The following CPVL variants were observed in gnomAD, a reference collection of about 807,000 sequenced individuals.
CPVL encodes probable serine carboxypeptidase CPVL.
Under a neutral mutation model 63.7 loss-of-function variants are expected in CPVL, and 51 were observed. The observed-to-expected ratio is 0.80, with a 90% CI of 0.64 to 1.01. The LOEUF (loss-of-function observed/expected upper bound fraction) is 1.01, where lower values mean the gene tolerates loss of function less well. CPVL is among the 50% of genes least tolerant of loss of function. The pLI, the probability that CPVL is intolerant of heterozygous loss-of-function variation, is 0.00. For synonymous variants in CPVL, 195 were observed against 206.0 expected (o/e 0.95, Z 0.46); for missense variants, 530 against 573.1 (o/e 0.92, Z 0.77).
At chr7:29,038,162 T>C (rs2128160954) in intron 11 of CPVL, among the ~76,000 whole-genome samples, 1 of 152,280 alleles carries the variant, frequency 6.6e-6, no homozygotes, top group East Asian at 1.9e-4. Context: ...TAGATGCCAG[T>C]GTTATGGACC....
chr7:29,018,877 G>T (rs1458191116), intron 12 of CPVL, among the ~76,000 whole-genome samples: 2 of 152,168 alleles, frequency 1.3e-5, no homozygotes, highest in Non-Finnish European at 2.9e-5. Flanking sequence ...CAGACAAGGA[G>T]AAAGAGGACT....
chr7:29,123,096 C>G (rs1789540844), intron 1 of CPVL, among the ~76,000 whole-genome samples: 1 of 152,108 alleles, frequency 6.6e-6, no homozygotes, highest in Non-Finnish European at 1.5e-5. Flanking sequence ...AAATATAATG[C>G]CTGCTTTTGT....
intron 1 of CPVL, among the ~76,000 whole-genome samples, chr7:29,143,592 C>G (rs1422568455): frequency 2.6e-5 from 4 of 152,064 alleles, no homozygotes; most frequent in Non-Finnish European, 4.4e-5. Flanking sequence ...TAATGGGATA[C>G]AGAGTCCCAA....
intron 11 of CPVL, among the ~76,000 whole-genome samples, chr7:29,044,901 C>A (rs1275841748): frequency 6.6e-6 from 1 of 152,168 alleles, no homozygotes; most frequent in Admixed American, 6.5e-5. Context: ...TCTCACCATG[C>A]CATGTTTAAG....
chr7:29,155,136 G>C (rs569772545), intron 5 of CPVL, among the ~76,000 whole-genome samples: 1 of 152,100 alleles, frequency 6.6e-6, no homozygotes, highest in Admixed American at 6.5e-5. Context: ...CCCACAACAC[G>C]TGGGAATTCA....
At chr7:29,088,711 C>T (rs1785457306) in intron 6 of CPVL, among the ~76,000 whole-genome samples, 1 of 152,068 alleles carries the variant, frequency 6.6e-6, no homozygotes, top group South Asian at 2.1e-4. Context: ...ACATAAGTGG[C>T]CGGGCGCGGT....
At chr7:29,073,733 T>C (rs1783971546) in intron 7 of CPVL, among the ~76,000 whole-genome samples, 1 of 152,240 alleles carries the variant, frequency 6.6e-6, no homozygotes, top group Non-Finnish European at 1.5e-5. Flanking sequence ...TTATCTTATA[T>C]ACTGTTATTC....
intron 5 of CPVL, among the ~76,000 whole-genome samples, chr7:29,164,654 G>T (rs1795655299): frequency 6.6e-6 from 1 of 151,740 alleles, no homozygotes; most frequent in African/African-American, 2.4e-5. Context: ...GGTGGCATAT[G>T]CCTGTAATCC....
intron 11 of CPVL, among the ~76,000 whole-genome samples, chr7:29,041,367 G>A (rs556239162): frequency 3.3e-5 from 5 of 152,010 alleles, no homozygotes; most frequent in Middle Eastern, 6.8e-3. Flanking sequence ...ATGAGCCACC[G>A]CGCCTGGCCC....
At chr7:29,073,025 T>G (rs1308443132) in intron 7 of CPVL, among the ~76,000 whole-genome samples, 2 of 152,256 alleles carry the variant, frequency 1.3e-5, no homozygotes, top group African/African-American at 4.8e-5. Context: ...AAGACTGTGC[T>G]GGAAGAGCTA....
At chr7:29,145,902 C>T (rs1381594244) in intron 1 of CPVL, 2 of 152,204 alleles carry the variant, frequency 1.3e-5, no homozygotes, top group African/African-American at 2.4e-5. Flanking sequence ...GCTAATCCTA[C>T]ATTCCAAGAA....
chr7:29,164,796 A>C (rs889244808), intron 5 of CPVL, among the ~76,000 whole-genome samples: 8 of 151,654 alleles, frequency 5.3e-5, no homozygotes, highest in South Asian at 2.1e-4. Context: ...AAAAAAAAAA[A>C]AAAAACAAAG....
At chr7:29,101,802 A>T (rs1303942865) in intron 3 of CPVL, among the ~76,000 whole-genome samples, 1 of 152,114 alleles carries the variant, frequency 6.6e-6, no homozygotes, top group East Asian at 1.9e-4. Flanking sequence ...CTACACATAC[A>T]CATATAGACA....
At chr7:29,177,201 G>A (rs1345703058) in intron 5 of CPVL, among the ~76,000 whole-genome samples, 1 of 151,212 alleles carries the variant, frequency 6.6e-6, no homozygotes, top group East Asian at 1.9e-4. Flanking sequence ...TACCTATATA[G>A]GAGATCTTTT....
At chr7:29,072,193 G>A in intron 8 of CPVL, 108 bp downstream of exon 8, 1 of 1,235,794 alleles carries the variant, frequency 8.1e-7, no homozygotes. Context: ...AAAGTCAACT[G>A]GTGTTTCCCT....
chr7:29,050,111 C>A (rs13229653), intron 11 of CPVL, among the ~76,000 whole-genome samples: 52,057 of 151,944 alleles, frequency 0.34, 11,260 homozygotes, highest in Non-Finnish European at 0.5. Flanking sequence ...GATGCCCATT[C>A]TCACCACTCC....
At chr7:29,022,488 T>C (rs571811260) in intron 12 of CPVL, among the ~76,000 whole-genome samples, 169 of 152,246 alleles carry the variant, frequency 1.1e-3, no homozygotes, top group Middle Eastern at 6.8e-3. Flanking sequence ...CACCCACATA[T>C]GCCATCTAGA....
At chr7:29,099,900 C>T (rs1446730184) in intron 3 of CPVL, among the ~76,000 whole-genome samples, 1 of 152,152 alleles carries the variant, frequency 6.6e-6, no homozygotes, top group African/African-American at 2.4e-5. Flanking sequence ...TAATGCCTGC[C>T]TCACAGGATT....
intron 5 of CPVL, among the ~76,000 whole-genome samples, chr7:29,157,620 G>T (rs1794586223): frequency 6.6e-6 from 1 of 152,166 alleles, no homozygotes; most frequent in Non-Finnish European, 1.5e-5. Flanking sequence ...CTAATGTTGG[G>T]ATAGGTCAAA....
Sources: allele counts gnomAD v4.1 joint callset (sites outside exome capture counted in the v4.1 genomes callset), GRCh38; gene constraint gnomAD v4.1.1; transcripts MANE v1.5; gene names NCBI Gene and HGNC (gene_info 2026-07-23, HGNC 2026-07-21).